The following ARHGAP8 variants were observed in gnomAD, a reference collection of about 807,000 sequenced individuals.
ARHGAP8 encodes the protein rho GTPase-activating protein 8.
Under a neutral mutation model 46.1 loss-of-function variants are expected in ARHGAP8, and 62 were observed. That is an observed-to-expected ratio of 1.34 (90% CI 1.10 to 1.66). The LOEUF (loss-of-function observed/expected upper bound fraction) is 1.66. Ranked by LOEUF, ARHGAP8 falls within the 40% of genes most tolerant of loss-of-function variation. The pLI is 0.00. For synonymous variants in ARHGAP8, 375 were observed against 243.1 expected (o/e 1.54, Z -5.05); for missense variants, 923 against 568.4 (o/e 1.62, Z -6.34).
intron 1 of ARHGAP8, among the ~76,000 whole-genome samples, chr22:44,776,007 C>T (rs1926392466): frequency 6.6e-6 from 1 of 152,114 alleles, no homozygotes; most frequent in Non-Finnish European, 1.5e-5. Context: ...GTGAGTCCTC[C>T]TCTCCCAGGT....
intron 1 of ARHGAP8, among the ~76,000 whole-genome samples, chr22:44,764,580 G>A (rs1468859524): frequency 1.3e-5 from 2 of 152,198 alleles, no homozygotes; most frequent in Non-Finnish European, 2.9e-5. Context: ...GGCTGCAGAC[G>A]CAGCTCTCTG....
chr22:44,790,737 T>C (rs13057932), intron 2 of ARHGAP8, among the ~76,000 whole-genome samples: 57,471 of 96,520 alleles, frequency 0.6, 13,446 homozygotes, highest in South Asian at 0.73. Flanking sequence ...TGGCCGTTTT[T>C]TTTTTTTTTT....
chr22:44,786,204 G>T lies in ARHGAP8; in HGVS notation c.-71-253G>T, dbSNP rs9306485. On this transcript the variant is annotated intron_variant, in intron 1 of 11. Coordinates refer to ENST00000356099, the MANE Select transcript of ARHGAP8 (RefSeq NM_181335.3). ...CTCGGCTGAGGTAGGGCGTATAGTG[G>T]GTGCTCGACTGATGTAGAGTGTATA... is the stretch of plus-strand genomic sequence containing the variant. 7.7e-3 allele frequency: 4,513 copies of T among 584,930 alleles called. 148 individuals are homozygous for T. The highest frequency in any genetic ancestry group is 0.076 in the African/African-American group (4,052 of 53,446). 36.2% of individuals were successfully genotyped at this position (584,930 alleles called of 1,614,324 possible).
At chr22:44,762,100 T>C (rs1925172351) in intron 1 of ARHGAP8, among the ~76,000 whole-genome samples, 2 of 152,084 alleles carry the variant, frequency 1.3e-5, no homozygotes, top group South Asian at 4.1e-4. Flanking sequence ...TTAACAGAGA[T>C]CAGAAGGACA....
intron 10 of ARHGAP8, 65 bp from the exon 11 acceptor site, chr22:44,859,666 G>T (rs546782413): frequency 2.2e-5 from 34 of 1,572,514 alleles, no homozygotes; most frequent in Admixed American, 1.5e-4. Context: ...TTCTCCTCCC[G>T]GGCCGGGATG....
intron 7 of ARHGAP8, 102 bp from the exon 8 acceptor site, chr22:44,845,167 C>T: frequency 7.0e-7 from 1 of 1,429,178 alleles, no homozygotes; most frequent in Non-Finnish European, 9.6e-7. Context: ...GTGCCTGGGT[C>T]CTGTGTTTTC....
chr22:44,838,645 CAT>C (rs1343962300), intron 7 of ARHGAP8, among the ~76,000 whole-genome samples: 2 of 152,218 alleles, frequency 1.3e-5, no homozygotes, highest in African/African-American at 4.8e-5. Flanking sequence ...AACTCGTCCT[CAT>C]AACTCCACAT....
At chr22:44,807,224 C>T (rs192272801) in intron 3 of ARHGAP8, among the ~76,000 whole-genome samples, 273 of 152,314 alleles carry the variant, frequency 1.8e-3, no homozygotes, top group African/African-American at 6.2e-3. Context: ...GCCTGACCGG[C>T]TCAGTGTCAG....
chr22:44,772,694 G>T (rs993499494), intron 1 of ARHGAP8, among the ~76,000 whole-genome samples: 7 of 151,738 alleles, frequency 4.6e-5, no homozygotes, highest in Non-Finnish European at 1.0e-4. Flanking sequence ...CATAAAATAA[G>T]TTAGAAGGTA....
intron 7 of ARHGAP8, 77 bp from the exon 8 acceptor site, chr22:44,845,192 A>C (rs985885427): frequency 1.5e-5 from 23 of 1,571,766 alleles, no homozygotes; most frequent in Middle Eastern, 1.7e-4. Context: ...GGGTGTGGAG[A>C]GGACCAGCGC....
At chr22:44,847,830 A>C in intron 8 of ARHGAP8, 143 bp from the exon 9 acceptor site, 1 of 1,065,302 alleles carries the variant, frequency 9.4e-7, no homozygotes, top group Non-Finnish European at 1.3e-6. Context: ...GGGTTGGGGA[A>C]TATGGAAAGG....
intron 7 of ARHGAP8, among the ~76,000 whole-genome samples, chr22:44,830,023 TC>T (rs1226569398): frequency 8.5e-6 from 1 of 117,902 alleles, no homozygotes; most frequent in Non-Finnish European, 1.7e-5. Flanking sequence ...TTCCTCTCTC[TC>T]TTTTTTTTTT....
At chr22:44,813,958 G>A (rs920481221) in intron 4 of ARHGAP8, among the ~76,000 whole-genome samples, 2 of 152,106 alleles carry the variant, frequency 1.3e-5, no homozygotes, top group Admixed American at 6.5e-5. Flanking sequence ...CTGACCCCAC[G>A]CAGGCCATGT....
rs370437700 is a variant in ARHGAP8, at chr22:44,763,491, C to CAAA, written c.-72+10883_-72+10885dup. 1.1e-3 allele frequency among the ~76,000 whole-genome samples: 88 copies of CAAA among 78,116 alleles called. 1 individual carries two copies. Among genetic ancestry groups the CAAA allele is most frequent in the African/African-American group, 2.4e-3 (48 of 19,672 alleles). The allele number at this position is 78,116 out of a possible 152,430, so 51.2% of individuals were successfully genotyped here. A position where few individuals can be genotyped will look rare whatever the true frequency, so the allele number is the denominator to read the frequency against. ...CGGGTGACAAAGCGAGACTCTGTCT[C>CAAA]AAAAAAAAAAAAAAAAAAAAAGATA... On this transcript the variant is annotated intron_variant, in intron 1 of 11. Coordinates refer to ENST00000356099, the MANE Select transcript of ARHGAP8 (RefSeq NM_181335.3).
At chr22:44,796,628 T>C (rs1448245324) in intron 2 of ARHGAP8, among the ~76,000 whole-genome samples, 1 of 151,998 alleles carries the variant, frequency 6.6e-6, no homozygotes, top group African/African-American at 2.4e-5. Flanking sequence ...GCTCCCCCAG[T>C]TGGTGATGCT....
At chr22:44,771,664 C>A (rs1926015948) in intron 1 of ARHGAP8, among the ~76,000 whole-genome samples, 1 of 151,980 alleles carries the variant, frequency 6.6e-6, no homozygotes, top group Non-Finnish European at 1.5e-5. Flanking sequence ...AAGCGATTCT[C>A]CTGCCTCAGA....
At chr22:44,778,975 C>T (rs1926622577) in intron 1 of ARHGAP8, among the ~76,000 whole-genome samples, 1 of 152,156 alleles carries the variant, frequency 6.6e-6, no homozygotes, top group African/African-American at 2.4e-5. Flanking sequence ...CAGGCAGCAG[C>T]TACCATCAGT....
At chr22:44,782,005 C>G (rs116372052) in intron 1 of ARHGAP8, among the ~76,000 whole-genome samples, 1 of 151,982 alleles carries the variant, frequency 6.6e-6, no homozygotes, top group Non-Finnish European at 1.5e-5. Flanking sequence ...TAGCCCTTCT[C>G]TTTTAAATTG....
At chr22:44,825,782 CGTGCTCG>C (rs889891170) in intron 7 of ARHGAP8, among the ~76,000 whole-genome samples, 189 bp downstream of exon 7, 1 of 143,770 alleles carries the variant, frequency 7.0e-6, no homozygotes, top group Non-Finnish European at 1.5e-5. Flanking sequence ...TGGGGGGGCG[CGTGCTCG>C]CTGCTCGGTG....
Sources: allele counts gnomAD v4.1 joint callset (sites outside exome capture counted in the v4.1 genomes callset), GRCh38; gene constraint gnomAD v4.1.1; transcripts MANE v1.5; gene names NCBI Gene and HGNC (gene_info 2026-07-23, HGNC 2026-07-21).